MTMR7: variants seen among roughly 807,000 people sequenced by gnomAD.
The protein encoded by MTMR7 is myotubularin related protein 7.
A neutral mutation model predicts 81.2 loss-of-function variants in MTMR7; 76 were observed. The ratio of observed to expected loss-of-function variants is 0.94; its 90% CI spans 0.78 to 1.13. The LOEUF is 1.13. Among genes scored for constraint, MTMR7 ranks in the 50% most tolerant of loss-of-function variants. The probability of loss-of-function intolerance (pLI) is 0.00; values close to 1 mark genes in which losing one functional copy is unlikely to be tolerated. For missense variants in MTMR7, 1,044 were observed against 820.0 expected, an observed-to-expected ratio of 1.27 and a Z score of -3.34; for synonymous variants, 372 against 289.8, an observed-to-expected ratio of 1.28 and a Z score of -2.88.
intron 6 of MTMR7, among the ~76,000 whole-genome samples, chr8:17,334,553 C>A (rs1176075170): frequency 6.6e-6 from 1 of 152,220 alleles, no homozygotes; most frequent in Non-Finnish European, 1.5e-5. Flanking sequence ...TTTCCTAACA[C>A]AAGGTTCATT....
At chr8:17,343,203 G>A (rs930970675) in intron 5 of MTMR7, among the ~76,000 whole-genome samples, 4 of 152,112 alleles carry the variant, frequency 2.6e-5, no homozygotes, top group African/African-American at 9.7e-5. Context: ...GAGGCGGGGG[G>A]ATAACTTGAG....
At chr8:17,316,479 A>C (rs1281710061) in intron 7 of MTMR7, among the ~76,000 whole-genome samples, 1 of 140,652 alleles carries the variant, frequency 7.1e-6, no homozygotes, top group Non-Finnish European at 1.5e-5. Context: ...AAAAAAAAAA[A>C]CCTTTCTACA....
chr8:17,343,195 G>A, intron 5 of MTMR7, among the ~76,000 whole-genome samples: 1 of 152,172 alleles, frequency 6.6e-6, no homozygotes, highest in East Asian at 1.9e-4. Flanking sequence ...GGGAGGCCGA[G>A]GCGGGGGGAT....
intron 1 of MTMR7, among the ~76,000 whole-genome samples, chr8:17,373,576 G>A (rs1053794535): frequency 2.6e-5 from 4 of 152,136 alleles, no homozygotes; most frequent in Non-Finnish European, 5.9e-5. Flanking sequence ...AGCAGAAAGT[G>A]TATGTGTTAA....
chr8:17,322,434 G>A lies in MTMR7; in HGVS notation c.865+8716C>T, dbSNP rs1223118008. On this transcript the variant is annotated intron_variant, in intron 7 of 13. Transcript: ENST00000180173. ...TTTTGTGTCTAAAGACAAATTCACA[G>A]TGTATCATGGTAACCTGTACTATCC... 2.2e-4 allele frequency among the ~76,000 whole-genome samples: 33 copies of A among 152,200 alleles called. 1 individual carries two copies. The highest frequency in any genetic ancestry group is 2.2e-3 in the Admixed American group (33 of 15,278).
intron 4 of MTMR7, among the ~76,000 whole-genome samples, chr8:17,350,992 A>C (rs992611071): frequency 6.6e-6 from 1 of 152,128 alleles, no homozygotes; most frequent in Non-Finnish European, 1.5e-5. Context: ...ACTGCCATAA[A>C]ACACGGCACT....
At chr8:17,360,965 T>C (rs1820042125) in intron 4 of MTMR7, 152 bp downstream of exon 4, 2 of 801,820 alleles carry the variant, frequency 2.5e-6, no homozygotes, top group South Asian at 3.6e-5. Context: ...AGGTTGTAAA[T>C]ACAGCTGGCA....
intron 2 of MTMR7, among the ~76,000 whole-genome samples, chr8:17,371,594 A>G (rs1200624735): frequency 6.6e-6 from 1 of 152,174 alleles, no homozygotes; most frequent in East Asian, 1.9e-4. Flanking sequence ...CTCCGCTGGG[A>G]GGTGCCACCA....
intron 8 of MTMR7, chr8:17,311,853 AC>A: frequency 1.6e-6 from 1 of 618,376 alleles, no homozygotes; most frequent in Non-Finnish European, 2.8e-6. Flanking sequence ...TCCAGAAGCC[AC>A]CACTCAAGTC....
intron 13 of MTMR7, chr8:17,301,872 T>C (rs1817141092): frequency 4.8e-6 from 2 of 420,014 alleles, no homozygotes; most frequent in Non-Finnish European, 8.4e-6. Context: ...AAATTAATTT[T>C]ACTACTCTCA....
At position 17,298,280 on chromosome 8, in the gene MTMR7, C is replaced by CTTAA. The variant is rs1460180197; in HGVS notation, c.*1578_*1581dup. 6.6e-6 allele frequency: 1 copy of CTTAA among 151,988 alleles called. No individual in the cohort carries two copies. The highest frequency in any genetic ancestry group is 1.5e-5 in the Non-Finnish European group (1 of 67,898). 9.4% of individuals were successfully genotyped at this position (151,988 alleles called of 1,614,324 possible). A position where few individuals can be genotyped will look rare whatever the true frequency, so the allele number is the denominator to read the frequency against. The stretch of plus-strand genomic sequence containing the variant: ...AGAAAATGAATAAACATTCCTTGTA[C>CTTAA]TTAATTTGGGAACTGCTCAGCAGAG... On this transcript the variant is annotated 3_prime_UTR_variant, in exon 14 of 14. Transcript: ENST00000180173.
intron 7 of MTMR7, among the ~76,000 whole-genome samples, chr8:17,319,279 G>C (rs1210659622): frequency 6.6e-6 from 1 of 152,148 alleles, no homozygotes; most frequent in Non-Finnish European, 1.5e-5. Flanking sequence ...TCCTCAAACA[G>C]TTGTGAAGAT....
intron 1 of MTMR7, among the ~76,000 whole-genome samples, chr8:17,382,940 C>T (rs1245085009): frequency 6.6e-6 from 1 of 152,010 alleles, no homozygotes; most frequent in Non-Finnish European, 1.5e-5. Context: ...AGTGAGGGTG[C>T]AGGGCATTGG....
At chr8:17,409,983 G>T (rs969114279) in intron 1 of MTMR7, among the ~76,000 whole-genome samples, 1 of 152,168 alleles carries the variant, frequency 6.6e-6, no homozygotes, top group Non-Finnish European at 1.5e-5. Flanking sequence ...GAAGGGCTCA[G>T]TCTACAAAGG....
intron 4 of MTMR7, among the ~76,000 whole-genome samples, chr8:17,354,257 T>C (rs1249984826): frequency 6.6e-6 from 1 of 152,172 alleles, no homozygotes; most frequent in South Asian, 2.1e-4. Flanking sequence ...ATGACATATA[T>C]GTGAATAAAA....
At chr8:17,359,325 C>T (rs768224685) in intron 4 of MTMR7, among the ~76,000 whole-genome samples, 3 of 151,878 alleles carry the variant, frequency 2.0e-5, no homozygotes, top group African/African-American at 2.4e-5. Flanking sequence ...TGAAACTGGG[C>T]GAGATGACTC....
At chr8:17,326,022 G>A (rs1818661498) in intron 7 of MTMR7, among the ~76,000 whole-genome samples, 1 of 152,198 alleles carries the variant, frequency 6.6e-6, no homozygotes, top group Non-Finnish European at 1.5e-5. Flanking sequence ...AAGTGGGGAA[G>A]ATATGTTGCT....
intron 1 of MTMR7, among the ~76,000 whole-genome samples, chr8:17,389,485 A>G (rs1267815231): frequency 6.6e-6 from 1 of 152,350 alleles, no homozygotes; most frequent in South Asian, 2.1e-4. Context: ...TCAGAACATC[A>G]CAGCAACCCT....
In MTMR7 at chr8:17,333,086, C is replaced by T. The variant is rs150346113; in HGVS notation, c.733-1804G>A. Among the ~76,000 whole-genome samples, 85 of 152,246 alleles carry T rather than the reference C, an allele frequency of 5.6e-4. 1 individual carries two copies. The East Asian group carries it at 0.014, about 25-fold the overall frequency. Reference sequence around the variant, plus strand: ...TGCCATAGGAGCCCAGGCTGGCAGACACCTCACATTTCAATAGCAGCCCTG... The same window carrying T: ...TGCCATAGGAGCCCAGGCTGGCAGATACCTCACATTTCAATAGCAGCCCTG... On this transcript the variant is annotated intron_variant, in intron 6 of 13. Transcript: ENST00000180173.
Sources: allele counts gnomAD v4.1 joint callset (sites outside exome capture counted in the v4.1 genomes callset), GRCh38; gene constraint gnomAD v4.1.1; transcripts MANE v1.5; gene names NCBI Gene and HGNC (gene_info 2026-07-23, HGNC 2026-07-21).